The following SLIT2 variants were observed in gnomAD, a reference collection of about 807,000 sequenced individuals.
SLIT2 encodes slit guidance ligand 2.
In SLIT2, 41 loss-of-function variants were observed where a neutral mutation model predicts 185.7. The ratio of observed to expected loss-of-function variants is 0.22; its 90% confidence interval spans 0.17 to 0.29. The LOEUF (loss-of-function observed/expected upper bound fraction) is 0.29. Among genes scored for constraint, SLIT2 ranks in the 10% least tolerant of loss-of-function variants. The pLI, the probability that SLIT2 is intolerant of heterozygous loss-of-function variation, is 1.00. For synonymous variants in SLIT2, 693 were observed against 680.2 expected (o/e 1.02, Z -0.29); for missense variants, 1,571 against 1,909.0 (o/e 0.82, Z 3.30).
At chr4:20,267,566 A>G (rs559324772) in intron 3 of SLIT2, among the ~76,000 whole-genome samples, 5 of 152,000 alleles carry the variant, frequency 3.3e-5, no homozygotes, top group Admixed American at 2.0e-4. Flanking sequence ...TCCAAAAAAA[A>G]TTCATAGCCT....
chr4:20,541,092 G>A (rs1393832971), intron 19 of SLIT2, among the ~76,000 whole-genome samples: 2 of 152,126 alleles, frequency 1.3e-5, no homozygotes, highest in Non-Finnish European at 2.9e-5. Flanking sequence ...CATTATCAGT[G>A]CGAAGTTTGA....
intron 33 of SLIT2, among the ~76,000 whole-genome samples, chr4:20,601,117 G>T (rs1259414430): frequency 6.6e-6 from 1 of 152,054 alleles, no homozygotes; most frequent in East Asian, 1.9e-4. Flanking sequence ...CAAGACTTCT[G>T]CATGAATACC....
chr4:20,503,623 A>C (rs926402249), intron 9 of SLIT2, among the ~76,000 whole-genome samples: 1 of 152,120 alleles, frequency 6.6e-6, no homozygotes, highest in African/African-American at 2.4e-5. Context: ...TTGTATTTGA[A>C]TATGTGTCCT....
At chr4:20,294,649 A>G (rs1370616411) in intron 4 of SLIT2, among the ~76,000 whole-genome samples, 1 of 152,194 alleles carries the variant, frequency 6.6e-6, no homozygotes, top group East Asian at 1.9e-4. Context: ...GAGAAGTTAT[A>G]TATGGCCTTT....
At chr4:20,555,453 A>G (rs937509333) in intron 26 of SLIT2, among the ~76,000 whole-genome samples, 2 of 152,080 alleles carry the variant, frequency 1.3e-5, no homozygotes, top group African/African-American at 4.8e-5. Context: ...CATTGTAAGC[A>G]AAGGTGGTGA....
chr4:20,286,072 A>G (rs1180703715), intron 4 of SLIT2, among the ~76,000 whole-genome samples: 1 of 152,238 alleles, frequency 6.6e-6, no homozygotes. Context: ...CAAAGAGATG[A>G]TGTAATGCCC....
intron 4 of SLIT2, among the ~76,000 whole-genome samples, chr4:20,331,883 CT>C (rs888609034): frequency 2.0e-5 from 3 of 152,120 alleles, no homozygotes; most frequent in African/African-American, 7.2e-5. Context: ...AATATGTGGC[CT>C]TTTGTGAATG....
chr4:20,256,678 A>T lies in SLIT2; in HGVS notation c.186A>T (p.Leu62Phe). ...TTTCTGGTTTTTCTCTTAGGGATTT[A>T]AATGGAAATAACATCACAAGAATTA... ...NIPRNTERLD[L>F]NGNNITRITK... The change falls in exon 2 of 37, where the codon TTA becomes TTT. Residue 62 changes from leucine to phenylalanine, a missense_variant. Around this residue, in one of 3 missense-constraint regions of SLIT2, gnomAD observed 1,202 missense variants for 1,416.4 expected, o/e 0.85. Coordinates refer to ENST00000504154, the MANE Select transcript of SLIT2 (RefSeq NM_004787.4). 6.4e-7 allele frequency: 1 copy of T among 1,553,772 alleles called. No homozygotes were observed. Among genetic ancestry groups the T allele is most frequent in the Non-Finnish European group, 8.8e-7 (1 of 1,135,054 alleles).
At chr4:20,520,106 C>T (rs981356238) in intron 12 of SLIT2, among the ~76,000 whole-genome samples, 3 of 150,394 alleles carry the variant, frequency 2.0e-5, no homozygotes, top group Non-Finnish European at 4.4e-5. Context: ...TCTGCAGGAG[C>T]GACAGTGCTG....
At chr4:20,618,286 AGCAGAT>A (rs1310276077) in intron 36 of SLIT2, among the ~76,000 whole-genome samples, 1 of 152,202 alleles carries the variant, frequency 6.6e-6, no homozygotes, top group Non-Finnish European at 1.5e-5. Flanking sequence ...GGAAGCTTTT[AGCAGAT>A]GTCTCTTTTT....
chr4:20,599,835 C>T (rs569654039), intron 33 of SLIT2, among the ~76,000 whole-genome samples: 1 of 152,144 alleles, frequency 6.6e-6, no homozygotes, highest in South Asian at 2.1e-4. Context: ...CACTGGCCTG[C>T]ATGTTATTGA....
At chr4:20,471,912 C>A (rs768523870) in intron 5 of SLIT2, among the ~76,000 whole-genome samples, 3 of 151,962 alleles carry the variant, frequency 2.0e-5, no homozygotes, top group Non-Finnish European at 4.4e-5. Flanking sequence ...CATTTCTTAA[C>A]TCGATTAAAT....
At chr4:20,617,955 C>T (rs1194429166) in intron 36 of SLIT2, among the ~76,000 whole-genome samples, 1 of 152,146 alleles carries the variant, frequency 6.6e-6, no homozygotes, top group Non-Finnish European at 1.5e-5. Context: ...TCCTTTTTAC[C>T]TGATGGAGAA....
chr4:20,534,260 C>A (rs1257736151), intron 18 of SLIT2, among the ~76,000 whole-genome samples: 1 of 152,156 alleles, frequency 6.6e-6, no homozygotes, highest in Admixed American at 6.5e-5. Context: ...TTTTTTGCCC[C>A]TGCAAGGTCT....
chr4:20,613,641 C>T (rs1430349209), intron 34 of SLIT2, among the ~76,000 whole-genome samples: 1 of 152,106 alleles, frequency 6.6e-6, no homozygotes, highest in East Asian at 1.9e-4. Context: ...TACGGTAACA[C>T]ATAATACACT....
chr4:20,382,903 G>A (rs1392894156), intron 4 of SLIT2, among the ~76,000 whole-genome samples: 1 of 152,142 alleles, frequency 6.6e-6, no homozygotes, highest in Non-Finnish European at 1.5e-5. Flanking sequence ...AAGACTTAAT[G>A]TAAAGCTGCA....
At chr4:20,584,959 G>T (rs548275833) in intron 29 of SLIT2, among the ~76,000 whole-genome samples, 4 of 152,048 alleles carry the variant, frequency 2.6e-5, no homozygotes, top group Non-Finnish European at 5.9e-5. Context: ...GGAGGCTGAG[G>T]CAGGAGAATC....
Position 20,617,070 on chromosome 4 carries a change from C to A in SLIT2, c.4008C>A (p.Cys1336Ter), listed in dbSNP as rs1465126645. 1 of 1,614,056 alleles carries A rather than the reference C, an allele frequency of 6.2e-7. No homozygotes were observed. The highest frequency in any genetic ancestry group is 8.5e-7 in the Non-Finnish European group (1 of 1,180,012). Residue 1336 changes from cysteine to a stop codon, truncating the protein, a stop_gained, in exon 35 of 37, where the codon TGC (cysteine) becomes TGA (stop). Coordinates refer to ENST00000504154, the MANE Select transcript of SLIT2 (RefSeq NM_004787.4). LOFTEE classifies it high-confidence loss of function. ...QTGILPGCEP[C>*]HKKVCAHGTC... ...GCATTTTGCCTGGCTGTGAGCCATGCCACAAGAAGGTGTGTGCCCATGGCA... is the reference window on the plus strand; with the variant it reads ...GCATTTTGCCTGGCTGTGAGCCATGACACAAGAAGGTGTGTGCCCATGGCA...
intron 4 of SLIT2, among the ~76,000 whole-genome samples, chr4:20,439,053 C>T (rs1729555279): frequency 6.6e-6 from 1 of 152,104 alleles, no homozygotes; most frequent in East Asian, 1.9e-4. Context: ...CAGCTATTTC[C>T]CCAAAAAATA....
Sources: gnomAD v4.1 joint callset for allele counts (sites outside exome capture counted in the v4.1 genomes callset) on GRCh38, gnomAD v4.1.1 for gene constraint, gnomAD v4.1.1 regional missense constraint, MANE v1.5 for transcripts, NCBI Gene and HGNC (gene_info 2026-07-23, HGNC 2026-07-21) for gene names.